GABRB3: variants seen among roughly 807,000 people sequenced by gnomAD.
The protein encoded by GABRB3 is gamma-aminobutyric acid receptor subunit beta-3.
In GABRB3, 14 loss-of-function variants were observed where a neutral mutation model predicts 52.1. The observed-to-expected ratio is 0.27, with a 90% confidence interval of 0.18 to 0.42. The LOEUF is 0.42. GABRB3 is among the 10% of genes least tolerant of loss of function. The probability of loss-of-function intolerance (pLI) is 1.00; values close to 1 mark genes in which losing one functional copy is unlikely to be tolerated. For synonymous variants in GABRB3, 260 were observed against 232.3 expected (o/e 1.12, Z -1.08); for missense variants, 307 against 609.1 (o/e 0.50, Z 5.22).
intron 4 of GABRB3, among the ~76,000 whole-genome samples, chr15:26,602,294 G>A (rs903579778): frequency 6.6e-6 from 1 of 152,082 alleles, no homozygotes; most frequent in Non-Finnish European, 1.5e-5. Context: ...AGAGATAGGC[G>A]TCCTTACAGA....
rs536317287 is a variant in GABRB3 at position 26,649,724 on chromosome 15, GAAGAT to G, written c.241-28195_241-28191del. 2.4e-4 allele frequency among the ~76,000 whole-genome samples: 36 copies of G among 149,656 alleles called. 1 individual carries two copies. The South Asian group carries it at 7.6e-3, about 32-fold the overall frequency. On this transcript the variant is annotated intron_variant, in intron 3 of 8. Transcript: ENST00000311550. ...ATTAGAGAGGACAGGGAGAGAGAGAGAAGATAAGTCGATAAAAGAATGGACGGATG... is the reference window on the plus strand; with the variant it reads ...ATTAGAGAGGACAGGGAGAGAGAGAGAAGTCGATAAAAGAATGGACGGATG...
chr15:26,557,612 A>T (rs905146142), intron 8 of GABRB3: 2 of 152,168 alleles, frequency 1.3e-5, no homozygotes, highest in African/African-American at 2.4e-5. Context: ...CTCAGGAACA[A>T]TTTTTAATGT....
chr15:26,582,520 A>G (rs996886147), intron 5 of GABRB3, among the ~76,000 whole-genome samples: 4 of 152,174 alleles, frequency 2.6e-5, no homozygotes, highest in African/African-American at 9.7e-5. Context: ...AGCTCTCAGA[A>G]AACACGACAG....
At chr15:26,593,639 T>C (rs981717725) in intron 4 of GABRB3, among the ~76,000 whole-genome samples, 53 of 152,134 alleles carry the variant, frequency 3.5e-4, no homozygotes, top group African/African-American at 1.1e-3. Context: ...GTGTAGCATG[T>C]ACAAGAATTT....
intron 3 of GABRB3, among the ~76,000 whole-genome samples, chr15:26,726,747 G>C (rs1383066378): frequency 6.6e-6 from 1 of 152,130 alleles, no homozygotes; most frequent in African/African-American, 2.4e-5. Flanking sequence ...TTTACCACTT[G>C]GTCAAGCTGG....
intron 3 of GABRB3, among the ~76,000 whole-genome samples, chr15:26,641,394 TGGCAC>T: frequency 6.6e-6 from 1 of 152,330 alleles, no homozygotes; most frequent in South Asian, 2.1e-4. Context: ...GCCTTCCCTC[TGGCAC>T]TGGCCAGAGG....
At chr15:26,681,989 C>T (rs1185987812) in intron 3 of GABRB3, among the ~76,000 whole-genome samples, 9 of 152,142 alleles carry the variant, frequency 5.9e-5, no homozygotes, top group African/African-American at 2.2e-4. Flanking sequence ...AAAATTATCA[C>T]AGCATTGCTA....
intron 3 of GABRB3, among the ~76,000 whole-genome samples, chr15:26,760,777 G>A (rs1890795154): frequency 7.1e-6 from 1 of 140,534 alleles, no homozygotes; most frequent in Non-Finnish European, 1.6e-5. Flanking sequence ...GGTTTTCTCT[G>A]CTTCTAAATG....
intron 4 of GABRB3, among the ~76,000 whole-genome samples, chr15:26,588,083 G>C (rs1026414977): frequency 1.3e-5 from 2 of 152,160 alleles, no homozygotes; most frequent in African/African-American, 2.4e-5. Flanking sequence ...GTTTCTGATA[G>C]AGAAGCAGAG....
chr15:26,559,486 A>G (rs1889898861), intron 8 of GABRB3, among the ~76,000 whole-genome samples: 1 of 147,430 alleles, frequency 6.8e-6, no homozygotes, highest in Non-Finnish European at 1.5e-5. Context: ...ATGGCCTAAC[A>G]GTAAGTTTAA....
At position 26,638,044 on chromosome 15, in the gene GABRB3, A is replaced by G. The variant is rs1893102694; in HGVS notation, c.241-16510T>C. Among the ~76,000 whole-genome samples the G allele has an allele frequency of 1.3e-5, 2 of 152,188 alleles. 1 individual carries two copies. Among genetic ancestry groups the G allele is most frequent in the East Asian group, 3.8e-4 (2 of 5,196 alleles). Reference sequence around the variant, plus strand: ...ATTATTTTCTTATGAATTAAGTGATATATTTAAATAATGTGCATTATAATT... The same window carrying G: ...ATTATTTTCTTATGAATTAAGTGATGTATTTAAATAATGTGCATTATAATT... On this transcript the variant is annotated intron_variant, in intron 3 of 8. Transcript: ENST00000311550.
At chr15:26,631,014 C>G (rs535524364) in intron 3 of GABRB3, among the ~76,000 whole-genome samples, 12 of 152,182 alleles carry the variant, frequency 7.9e-5, no homozygotes, top group Non-Finnish European at 1.8e-4. Flanking sequence ...TGGTGAGACA[C>G]GAGGACTAGC....
intron 8 of GABRB3, among the ~76,000 whole-genome samples, chr15:26,554,203 A>ATATATATATATT (rs1889663374): frequency 2.2e-5 from 1 of 45,786 alleles, no homozygotes; most frequent in African/African-American, 5.6e-5. Flanking sequence ...ATATATATAT[A>ATATATATATATT]TATATAGTAG....
intron 3 of GABRB3, among the ~76,000 whole-genome samples, chr15:26,742,594 CA>C (rs1207621820): frequency 6.6e-6 from 1 of 152,170 alleles, no homozygotes; most frequent in Non-Finnish European, 1.5e-5. Flanking sequence ...CTTGACGCAC[CA>C]TCTTTATTAC....
intron 6 of GABRB3, among the ~76,000 whole-genome samples, chr15:26,570,019 G>T (rs1309383411): frequency 6.6e-6 from 1 of 152,032 alleles, no homozygotes; most frequent in Non-Finnish European, 1.5e-5. Flanking sequence ...TTCTCTGCAA[G>T]CATTCTCCCA....
chr15:26,764,331 A>T (rs1452789481), intron 3 of GABRB3, among the ~76,000 whole-genome samples: 1 of 150,826 alleles, frequency 6.6e-6, no homozygotes, highest in Non-Finnish European at 1.5e-5. Context: ...TGTAATCAAT[A>T]GAATTCATAT....
Position 26,567,744 on chromosome 15 carries a change from C to A in GABRB3, c.683-11G>T. ...GTCGAGGATAGGCACCTATGGGAAA[C>A]AGACAAGGATATTACACTGGAGAAA... On this transcript the variant is annotated splice_polypyrimidine_tract_variant and intron_variant, in intron 6 of 8. Coordinates refer to ENST00000311550, the MANE Select transcript of GABRB3 (RefSeq NM_000814.6). 1.2e-6 allele frequency: 2 copies of A among 1,613,506 alleles called. No individual in the cohort carries two copies.
intron 3 of GABRB3, among the ~76,000 whole-genome samples, chr15:26,724,211 G>A (rs1046750884): frequency 2.6e-5 from 4 of 152,172 alleles, no homozygotes; most frequent in African/African-American, 9.6e-5. Flanking sequence ...TCTCCTCCAT[G>A]TCACATAAAT....
intron 3 of GABRB3, chr15:26,629,201 G>C (rs546451708): frequency 4.1e-6 from 6 of 1,450,362 alleles, no homozygotes; most frequent in Non-Finnish European, 4.5e-6. Context: ...TTTGCGAAGC[G>C]GCGGCAATCA....
Sources: gnomAD v4.1 joint callset for allele counts (sites outside exome capture counted in the v4.1 genomes callset) on GRCh38, gnomAD v4.1.1 for gene constraint, MANE v1.5 for transcripts, NCBI Gene and HGNC (gene_info 2026-07-23, HGNC 2026-07-21) for gene names.